Variants in CSMD1 observed in about 807,000 individuals in gnomAD.
The protein encoded by CSMD1 is CUB and Sushi multiple domains 1.
A neutral mutation model predicts 417.5 loss-of-function variants in CSMD1; 213 were observed. The observed-to-expected ratio is 0.51, with a 90% confidence interval of 0.46 to 0.57. CSMD1 has a LOEUF of 0.57. Ranked by LOEUF, CSMD1 falls within the 20% of genes least tolerant of loss-of-function variation. CSMD1 has a pLI of 0.00. For missense variants in CSMD1, 6,923 were observed against 4,529.7 expected, an observed-to-expected ratio of 1.53 and a Z score of -15.17; for synonymous variants, 2,862 against 1,736.8, an observed-to-expected ratio of 1.65 and a Z score of -16.11.
chr8:4,075,288 T>C (rs1585258349), intron 3 of CSMD1, among the ~76,000 whole-genome samples: 1 of 152,268 alleles, frequency 6.6e-6, no homozygotes, highest in Non-Finnish European at 1.5e-5. Context: ...GAATTGTTGA[T>C]ATATGTTTAT....
intron 5 of CSMD1, among the ~76,000 whole-genome samples, chr8:3,948,885 A>G (rs1301650059): frequency 6.6e-6 from 1 of 152,122 alleles, no homozygotes; most frequent in South Asian, 2.1e-4. Flanking sequence ...ACTAACAAAA[A>G]AGGAGATTTT....
chr8:3,514,072 G>A (rs1306327920), intron 10 of CSMD1, among the ~76,000 whole-genome samples: 1 of 152,100 alleles, frequency 6.6e-6, no homozygotes, highest in Non-Finnish European at 1.5e-5. Flanking sequence ...GTGTTCTTTA[G>A]TTTTTCAAAG....
At chr8:3,861,502 T>C (rs1177122774) in intron 5 of CSMD1, among the ~76,000 whole-genome samples, 1 of 152,144 alleles carries the variant, frequency 6.6e-6, no homozygotes, top group African/African-American at 2.4e-5. Flanking sequence ...GGCTGTGCCT[T>C]TGAACCTGCA....
chr8:3,943,471 C>T (rs954399898), intron 5 of CSMD1, among the ~76,000 whole-genome samples: 6 of 141,026 alleles, frequency 4.3e-5, no homozygotes, highest in African/African-American at 1.6e-4. Flanking sequence ...CAAAAATGAT[C>T]AGTCAGTGGG....
At chr8:4,864,371 A>G (rs1406970319) in intron 1 of CSMD1, among the ~76,000 whole-genome samples, 1 of 151,960 alleles carries the variant, frequency 6.6e-6, no homozygotes, top group Non-Finnish European at 1.5e-5. Flanking sequence ...TAATTACGTA[A>G]AAATGTATTT....
intron 1 of CSMD1, among the ~76,000 whole-genome samples, chr8:4,991,719 C>A (rs1811477868): frequency 6.6e-6 from 1 of 152,170 alleles, no homozygotes; most frequent in African/African-American, 2.4e-5. Context: ...CTTGGTCACC[C>A]GGGCTTTGCT....
At chr8:3,619,952 A>C (rs1391467801) in intron 7 of CSMD1, among the ~76,000 whole-genome samples, 3 of 152,126 alleles carry the variant, frequency 2.0e-5, no homozygotes, top group Non-Finnish European at 4.4e-5. Context: ...AAATATAAAA[A>C]TCAGCCAGGC....
chr8:3,705,701 A>C (rs1203428071), intron 7 of CSMD1, among the ~76,000 whole-genome samples: 1 of 152,190 alleles, frequency 6.6e-6, no homozygotes, highest in Admixed American at 6.5e-5. Flanking sequence ...CAAAACCCTT[A>C]GTTGGGGAAA....
chr8:4,359,150 G>A (rs761537686), intron 3 of CSMD1, among the ~76,000 whole-genome samples: 3 of 152,094 alleles, frequency 2.0e-5, no homozygotes, highest in Non-Finnish European at 4.4e-5. Context: ...AGCCCAGTTC[G>A]GTCACTAATA....
chr8:4,709,082 G>A (rs1021505520), intron 1 of CSMD1, among the ~76,000 whole-genome samples: 5 of 152,288 alleles, frequency 3.3e-5, no homozygotes, highest in Non-Finnish European at 4.4e-5. Context: ...AAAGTAATAT[G>A]CTTCCCAATA....
chr8:3,205,629 A>C lies in CSMD1; in HGVS notation c.4868-9T>G. The C allele has an allele frequency of 7.2e-7, 1 of 1,395,128 alleles. No individual in the cohort carries two copies. The highest frequency in any genetic ancestry group is 1.0e-6 in the Non-Finnish European group (1 of 1,003,992). 86.4% of individuals were successfully genotyped at this position (1,395,128 alleles called of 1,614,324 possible). On this transcript the variant is annotated splice_polypyrimidine_tract_variant and intron_variant, in intron 30 of 69. Transcript: ENST00000635120. ...CTGGCCTCCACAGGGAGCTGAAAATAAAATCAACCGAGAATTAGTCGCTGT... is the reference window on the plus strand; with the variant it reads ...CTGGCCTCCACAGGGAGCTGAAAATCAAATCAACCGAGAATTAGTCGCTGT...
intron 10 of CSMD1, among the ~76,000 whole-genome samples, chr8:3,528,927 A>G (rs1049560272): frequency 6.6e-6 from 1 of 152,222 alleles, no homozygotes; most frequent in African/African-American, 2.4e-5. Context: ...ATGATAAATA[A>G]TATAATCCTT....
intron 68 of CSMD1, among the ~76,000 whole-genome samples, chr8:2,944,889 A>G (rs2128915232): frequency 1.3e-5 from 2 of 152,296 alleles, no homozygotes; most frequent in African/African-American, 4.8e-5. Context: ...TTTATCCATA[A>G]TAGATAACAA....
chr8:4,119,903 G>T (rs1802383145), intron 3 of CSMD1, among the ~76,000 whole-genome samples: 1 of 152,148 alleles, frequency 6.6e-6, no homozygotes, highest in South Asian at 2.1e-4. Context: ...CCGGAGTCTG[G>T]TAAGGGTAGT....
intron 10 of CSMD1, among the ~76,000 whole-genome samples, chr8:3,560,814 A>G (rs1009427232): frequency 1.3e-5 from 2 of 152,164 alleles, no homozygotes; most frequent in Admixed American, 6.5e-5. Context: ...AAGCAATTTC[A>G]TTTATCCTTC....
At position 3,408,174 on chromosome 8, in the gene CSMD1, T is replaced by C. The variant is rs1202613288; in HGVS notation, c.1796A>G (p.Asn599Ser). 5.0e-6 allele frequency: 8 copies of C among 1,612,604 alleles called. No individual in the cohort carries two copies. The East Asian group carries it at 1.3e-4, about 27-fold the overall frequency. The change falls in exon 14 of 70, where the codon AAT becomes AGT. Residue 599 changes from asparagine (N) to serine (S), a missense_variant. By Grantham distance (46) the Asn-to-Ser change is conservative. Transcript: ENST00000635120. ...TASSGIILSP[N>S]YPEEYGNNMN... ...GTTGTTCCCATATTCCTCTGGATAATTTGGTGACAGAATAATCCCAGATGA... is the reference window on the plus strand; with the variant it reads ...GTTGTTCCCATATTCCTCTGGATAACTTGGTGACAGAATAATCCCAGATGA...
At chr8:4,286,175 G>A (rs187100832) in intron 3 of CSMD1, among the ~76,000 whole-genome samples, 42 of 152,152 alleles carry the variant, frequency 2.8e-4, no homozygotes, top group African/African-American at 8.4e-4. Flanking sequence ...AAAGTCAAGA[G>A]GAGCTCCAGT....
At chr8:3,944,790 T>C (rs1421182706) in intron 5 of CSMD1, among the ~76,000 whole-genome samples, 4 of 152,284 alleles carry the variant, frequency 2.6e-5, no homozygotes, top group Middle Eastern at 3.4e-3. Flanking sequence ...CCAAATGATC[T>C]ATTCTGTTTT....
At chr8:3,105,430 G>A (rs779030186) in intron 46 of CSMD1, among the ~76,000 whole-genome samples, 4 of 152,182 alleles carry the variant, frequency 2.6e-5, no homozygotes, top group African/African-American at 4.8e-5. Context: ...GAAAGCTTTT[G>A]GATAGGTGAA....
Sources: gnomAD v4.1 joint callset for allele counts (sites outside exome capture counted in the v4.1 genomes callset) on GRCh38, gnomAD v4.1.1 for gene constraint, MANE v1.5 for transcripts, NCBI Gene and HGNC (gene_info 2026-07-23, HGNC 2026-07-21) for gene names.